The following NELL1 variants were observed in gnomAD, a reference collection of about 807,000 sequenced individuals.
The protein encoded by NELL1 is protein kinase C-binding protein NELL1.
In NELL1, 76 loss-of-function variants were observed where a neutral mutation model predicts 107.4. The observed-to-expected ratio is 0.71, with a 90% CI of 0.59 to 0.86. The LOEUF is 0.86. NELL1 is among the 40% of genes least tolerant of loss of function. The pLI is 0.00. For missense variants in NELL1, 1,024 were observed against 1,005.5 expected (o/e 1.02, Z -0.25); for synonymous variants, 353 against 341.2 (o/e 1.03, Z -0.38).
rs139313326 is a variant in NELL1 at position 21,208,863 on chromosome 11, G to T, written c.1427-20469G>T. The stretch of plus-strand genomic sequence containing the variant: ...GGGGGTAGTTCCACCAAGGGTAATA[G>T]AATTTTCTGTATACCCAAAGACTCA... On this transcript the variant is annotated intron_variant, in intron 13 of 19. Transcript: ENST00000357134. Among the ~76,000 whole-genome samples, 435 of 152,264 alleles carry T rather than the reference G, an allele frequency of 2.9e-3. 4 individuals carry two copies. The highest frequency in any genetic ancestry group is 1.0e-2 in the African/African-American group (414 of 41,572).
chr11:20,677,487 A>C (rs1854087507), intron 1 of NELL1, among the ~76,000 whole-genome samples: 1 of 152,210 alleles, frequency 6.6e-6, no homozygotes. Flanking sequence ...GACTTGATCT[A>C]AACTGATATC....
At chr11:20,993,948 C>T (rs1241374121) in intron 12 of NELL1, among the ~76,000 whole-genome samples, 1 of 150,898 alleles carries the variant, frequency 6.6e-6, no homozygotes, top group African/African-American at 2.4e-5. Context: ...TATGCATCCT[C>T]AATAATATTT....
Position 21,109,508 on chromosome 11 carries a change from T to G in NELL1, c.1301-4081T>G, listed in dbSNP as rs573917460. On this transcript the variant is annotated intron_variant, in intron 12 of 19. Transcript: ENST00000357134. ...TTGTCTCCTGGCTTCTGGATGAATA[T>G]GACCATTGCTCAAGATATCTGCTTC... 2.0e-5 allele frequency among the ~76,000 whole-genome samples: 3 copies of G among 152,264 alleles called. No homozygotes were observed. In the South Asian group the frequency reaches 6.2e-4, roughly 32 times the overall value.
At chr11:21,504,788 T>A (rs1855238997) in intron 15 of NELL1, among the ~76,000 whole-genome samples, 1 of 152,104 alleles carries the variant, frequency 6.6e-6, no homozygotes. Flanking sequence ...ATGCTCAGAT[T>A]TTCAGTCTTG....
chr11:20,707,389 T>A (rs1854994026), intron 2 of NELL1, among the ~76,000 whole-genome samples: 1 of 152,236 alleles, frequency 6.6e-6, no homozygotes, highest in Non-Finnish European at 1.5e-5. Context: ...CATTATCTGC[T>A]CAGCTTTGTT....
chr11:21,257,080 G>T (rs1858788656), intron 14 of NELL1, among the ~76,000 whole-genome samples: 1 of 151,994 alleles, frequency 6.6e-6, no homozygotes, highest in Admixed American at 6.6e-5. Flanking sequence ...TCTCAGAGAT[G>T]CAGTTGCTGG....
chr11:21,333,059 A>G (rs1850307454), intron 14 of NELL1, among the ~76,000 whole-genome samples: 4 of 152,066 alleles, frequency 2.6e-5, no homozygotes, highest in Admixed American at 1.3e-4. Context: ...GAATTCATGT[A>G]TATCAATTTT....
In NELL1 at chr11:21,316,100, T is replaced by C. The variant is rs370208251; in HGVS notation, c.1550-54753T>C. Reference sequence around the variant, plus strand: ...TCAATTTGTCAAAAATATGTTGACTTATAGTAATATCCTCAATATGCCAGC... The same window carrying C: ...TCAATTTGTCAAAAATATGTTGACTCATAGTAATATCCTCAATATGCCAGC... On this transcript the variant is annotated intron_variant, in intron 14 of 19. Coordinates refer to ENST00000357134, the MANE Select transcript of NELL1 (RefSeq NM_006157.5). Among the ~76,000 whole-genome samples the C allele has an allele frequency of 1.4e-4, 21 of 152,274 alleles. No homozygotes were observed. In the East Asian group the frequency reaches 3.7e-3, roughly 27 times the overall value.
intron 14 of NELL1, among the ~76,000 whole-genome samples, chr11:21,330,515 A>G (rs1012351548): frequency 6.6e-6 from 1 of 151,874 alleles, no homozygotes; most frequent in African/African-American, 2.4e-5. Flanking sequence ...TGTTAGTTTT[A>G]TTCTTTCAGC....
Position 20,669,635 on chromosome 11 carries a change from G to C in NELL1, c.-89G>C, listed in dbSNP as rs1853842966. On this transcript the variant is annotated 5_prime_UTR_variant, in exon 1 of 20. Transcript: ENST00000357134. This position sits in a 1 kb window ranked among gnomAD's most constrained non-coding sequence, Gnocchi z 4.4. Reference sequence around the variant, plus strand: ...CCCGCCGCCCGCTAGCAAGTTTGGCGGCTCCAAGCCAGGCGCGCCTCAGGA... The same window carrying C: ...CCCGCCGCCCGCTAGCAAGTTTGGCCGCTCCAAGCCAGGCGCGCCTCAGGA... The C allele has an allele frequency of 8.5e-7, 1 of 1,173,900 alleles. No individual in the cohort carries two copies. The highest frequency in any genetic ancestry group is 1.3e-5 in the South Asian group (1 of 77,374). The allele number at this position is 1,173,900 out of a possible 1,614,324, so 72.7% of individuals were successfully genotyped here.
intron 3 of NELL1, among the ~76,000 whole-genome samples, chr11:20,812,277 G>A (rs1857517331): frequency 6.6e-6 from 1 of 151,926 alleles, no homozygotes; most frequent in Non-Finnish European, 1.5e-5. Flanking sequence ...TGCATCCCTG[G>A]GATGAATCCT....
intron 15 of NELL1, among the ~76,000 whole-genome samples, chr11:21,398,107 T>A (rs1590898783): frequency 1.3e-5 from 2 of 151,690 alleles, no homozygotes; most frequent in African/African-American, 4.8e-5. Flanking sequence ...CCTGTATTTT[T>A]TAACTTTGTT....
chr11:21,530,746 A>G (rs1015857085), intron 15 of NELL1, among the ~76,000 whole-genome samples: 1 of 152,144 alleles, frequency 6.6e-6, no homozygotes, highest in Non-Finnish European at 1.5e-5. Context: ...AATAACATGT[A>G]AATATTAAAT....
At chr11:20,782,812 G>A (rs746436277) in intron 2 of NELL1, among the ~76,000 whole-genome samples, 1 of 152,140 alleles carries the variant, frequency 6.6e-6, no homozygotes, top group Non-Finnish European at 1.5e-5. Flanking sequence ...CCTTTCTGAT[G>A]CCAGAAAAAT....
chr11:20,752,760 C>T (rs1387105605), intron 2 of NELL1, among the ~76,000 whole-genome samples: 2 of 152,126 alleles, frequency 1.3e-5, no homozygotes, highest in Non-Finnish European at 2.9e-5. Context: ...TGAGAATTTT[C>T]TCTGTAAAAT....
chr11:21,534,763 C>G (rs944262279), intron 16 of NELL1, among the ~76,000 whole-genome samples: 16 of 152,162 alleles, frequency 1.1e-4, no homozygotes, highest in African/African-American at 3.4e-4. Flanking sequence ...TGGCTTTGTT[C>G]TAAGGAAAAC....
chr11:21,375,609 T>A (rs1261853226), intron 15 of NELL1, among the ~76,000 whole-genome samples: 1 of 152,136 alleles, frequency 6.6e-6, no homozygotes, highest in African/African-American at 2.4e-5. Context: ...AGTTTTAAGT[T>A]CTTTGAGATA....
intron 14 of NELL1, among the ~76,000 whole-genome samples, chr11:21,313,705 C>T (rs2133651046): frequency 6.6e-6 from 1 of 152,252 alleles, no homozygotes; most frequent in East Asian, 1.9e-4. Context: ...TAGTGCAGGG[C>T]ATCACATGGT....
intron 2 of NELL1, among the ~76,000 whole-genome samples, chr11:20,699,926 C>T (rs553880343): frequency 2.0e-5 from 3 of 152,258 alleles, no homozygotes; most frequent in Admixed American, 6.5e-5. Flanking sequence ...TTTTTTATCA[C>T]ATCCATGCCA....
Sources: gnomAD v4.1 joint callset for allele counts (sites outside exome capture counted in the v4.1 genomes callset) on GRCh38, gnomAD v4.1.1 for gene constraint, Gnocchi (gnomAD v3.1) non-coding constraint, MANE v1.5 for transcripts, NCBI Gene and HGNC (gene_info 2026-07-23, HGNC 2026-07-21) for gene names.